MRTFB: variants seen among roughly 807,000 people sequenced by gnomAD.
MRTFB encodes the protein myocardin related transcription factor B, also known as myocardin-related transcription factor B.
A neutral mutation model predicts 104.2 loss-of-function variants in MRTFB; 29 were observed. The observed-to-expected ratio is 0.28, with a 90% CI of 0.21 to 0.38. The LOEUF (loss-of-function observed/expected upper bound fraction) is 0.38. Among genes scored for constraint, MRTFB ranks in the 10% least tolerant of loss-of-function variants. The pLI, the probability that MRTFB is intolerant of heterozygous loss-of-function variation, is 1.00. For synonymous variants in MRTFB, 535 were observed against 519.5 expected (o/e 1.03, Z -0.41); for missense variants, 1,270 against 1,341.6 (o/e 0.95, Z 0.83).
In MRTFB at chr16:14,264,361, A is replaced by G. The variant is rs1260593938; in HGVS notation, c.*2917A>G. The G allele has an allele frequency of 2.6e-5, 4 of 152,228 alleles. No homozygotes were observed. Among genetic ancestry groups the G allele is most frequent in the African/African-American group, 9.6e-5 (4 of 41,458 alleles). 9.4% of individuals were successfully genotyped at this position (152,228 alleles called of 1,614,324 possible). A position where few individuals can be genotyped will look rare whatever the true frequency, so the allele number is the denominator to read the frequency against. ...TGGGGGTGGGATGAATTTAAAAGTT[A>G]TACCAAAATTTCTGTAAAGTCTTTG... is the stretch of plus-strand genomic sequence containing the variant. On this transcript the variant is annotated 3_prime_UTR_variant, in exon 17 of 17. Coordinates refer to ENST00000571589, the MANE Select transcript of MRTFB (RefSeq NM_001308142.2).
the MRTFB span, among the ~76,000 whole-genome samples, chr16:14,023,232 G>C: frequency 2.0e-4 from 30 of 151,970 alleles, no homozygotes; most frequent in African/African-American, 6.3e-4. Context: ...GAGCCCAGGA[G>C]TTCAAGACCA....
intron 3 of MRTFB, chr16:14,149,541 T>C (rs1244804332): frequency 6.6e-6 from 1 of 152,184 alleles, no homozygotes; most frequent in Non-Finnish European, 1.5e-5. Context: ...CCACGTATTA[T>C]AGGAAGGAAA....
intron 2 of MRTFB, among the ~76,000 whole-genome samples, chr16:14,106,704 G>A (rs1357039827): frequency 2.0e-5 from 3 of 152,134 alleles, no homozygotes; most frequent in African/African-American, 7.2e-5. Context: ...AAGAGTGAGG[G>A]TATCATGTTT....
At chr16:14,114,177 A>G (rs1267805671) in intron 2 of MRTFB, among the ~76,000 whole-genome samples, 1 of 152,192 alleles carries the variant, frequency 6.6e-6, no homozygotes, top group East Asian at 1.9e-4. Flanking sequence ...TGACATCTGA[A>G]TATCTCAATT....
the MRTFB span, among the ~76,000 whole-genome samples, chr16:14,058,323 G>A: frequency 6.6e-6 from 1 of 152,156 alleles, no homozygotes; most frequent in East Asian, 1.9e-4. Context: ...GTAATCATAA[G>A]AATAACTACA....
chr16:14,217,116 C>A lies in MRTFB; in HGVS notation c.353-10C>A. ...TCGAGTAATGGTTAAAACTGTGTTT[C>A]CTCTTTTAGAAACATTTGCAGAGCC... is the stretch of plus-strand genomic sequence containing the variant. On this transcript the variant is annotated splice_polypyrimidine_tract_variant and intron_variant, in intron 6 of 16. Transcript: ENST00000571589. 6.3e-7 allele frequency: 1 copy of A among 1,597,302 alleles called. No homozygotes were observed. Among genetic ancestry groups the A allele is most frequent in the South Asian group, 1.2e-5 (1 of 86,538 alleles).
At chr16:14,181,726 C>G (rs1202410845) in intron 3 of MRTFB, among the ~76,000 whole-genome samples, 1 of 152,140 alleles carries the variant, frequency 6.6e-6, no homozygotes, top group Non-Finnish European at 1.5e-5. Flanking sequence ...AGTATCATCA[C>G]AGCAATATTC....
At chr16:14,029,509 A>G in the MRTFB span, among the ~76,000 whole-genome samples, 2 of 105,334 alleles carry the variant, frequency 1.9e-5, no homozygotes, top group Non-Finnish European at 4.2e-5. Flanking sequence ...ATATACACAT[A>G]TATATACACA....
intron 9 of MRTFB, among the ~76,000 whole-genome samples, chr16:14,237,785 T>C (rs768741806): frequency 6.6e-6 from 1 of 152,104 alleles, no homozygotes; most frequent in East Asian, 1.9e-4. Flanking sequence ...TGATCACTTA[T>C]ACGTTCTCAA....
chr16:14,083,327 C>G (rs567001491), intron 2 of MRTFB, among the ~76,000 whole-genome samples: 62 of 152,226 alleles, frequency 4.1e-4, no homozygotes, highest in African/African-American at 1.5e-3. Context: ...TTCTTCCTTT[C>G]CTAATTGGAT....
Position 14,263,120 on chromosome 16 carries a change from C to G in MRTFB, c.*1676C>G, listed in dbSNP as rs1016667125. The G allele has an allele frequency of 6.6e-6, 1 of 152,278 alleles. No individual in the cohort carries two copies. Among genetic ancestry groups the G allele is most frequent in the Non-Finnish European group, 1.5e-5 (1 of 68,044 alleles). The allele number at this position is 152,278 out of a possible 1,614,324, so 9.4% of individuals were successfully genotyped here. ...CCCTCTGCTCACTGGCACTTCCTGA[C>G]TCAAAGGCACTAACAGTGCTCATGT... On this transcript the variant is annotated 3_prime_UTR_variant, in exon 17 of 17. Transcript: ENST00000571589.
the MRTFB span, among the ~76,000 whole-genome samples, chr16:14,053,386 T>A: frequency 2.6e-5 from 4 of 152,108 alleles, no homozygotes; most frequent in African/African-American, 9.7e-5. Flanking sequence ...CAATAAACAT[T>A]GATGTAGCCG....
At chr16:14,127,900 AATAT>A (rs1194977108) in intron 2 of MRTFB, among the ~76,000 whole-genome samples, 31 of 49,508 alleles carry the variant, frequency 6.3e-4, no homozygotes, top group South Asian at 1.4e-3. Flanking sequence ...AGCAAAACTG[AATAT>A]ATATATATAT....
chr16:14,154,460 C>CT (rs1225788848), intron 3 of MRTFB, among the ~76,000 whole-genome samples: 1 of 152,182 alleles, frequency 6.6e-6, no homozygotes, highest in Non-Finnish European at 1.5e-5. Context: ...AAAATGTAGT[C>CT]TGACAATCTC....
At chr16:14,003,359 T>C in the MRTFB span, among the ~76,000 whole-genome samples, 1 of 152,238 alleles carries the variant, frequency 6.6e-6, no homozygotes, top group African/African-American at 2.4e-5. Context: ...AGCACGCCTC[T>C]GCCCCTTCCA....
Position 14,177,472 on chromosome 16 carries a change from TCAC to T in MRTFB, c.155-32769_155-32767del. ...TGTTTGTTTTTTAATCTTTGTTTTTTCACCTAGCAAAAGTGTGTCTTAAACTTA... is the reference window on the plus strand; with the variant it reads ...TGTTTGTTTTTTAATCTTTGTTTTTTCTAGCAAAAGTGTGTCTTAAACTTA... On this transcript the variant is annotated intron_variant, in intron 3 of 16. Transcript: ENST00000571589. This position sits in a 1 kb window ranked among gnomAD's most constrained non-coding sequence, Gnocchi z 4.7. Among the ~76,000 whole-genome samples the T allele has an allele frequency of 6.6e-6, 1 of 152,312 alleles. No homozygotes were observed. Among genetic ancestry groups the T allele is most frequent in the South Asian group, 2.1e-4 (1 of 4,814 alleles).
At chr16:14,014,239 G>A in the MRTFB span, among the ~76,000 whole-genome samples, 1 of 152,172 alleles carries the variant, frequency 6.6e-6, no homozygotes, top group South Asian at 2.1e-4. Flanking sequence ...AATCATTTCA[G>A]TCCTGATAAT....
At chr16:14,161,160 T>A (rs954616091) in intron 3 of MRTFB, among the ~76,000 whole-genome samples, 1 of 148,134 alleles carries the variant, frequency 6.8e-6, no homozygotes, top group African/African-American at 2.5e-5. Context: ...TAGGATACAT[T>A]TTTTTAAAAA....
At chr16:14,212,974 G>A (rs1278747823) in intron 5 of MRTFB, among the ~76,000 whole-genome samples, 2 of 152,110 alleles carry the variant, frequency 1.3e-5, no homozygotes, top group African/African-American at 4.8e-5. Context: ...TTGTTTTGGG[G>A]AAAATTTCTA....
Sources: gnomAD v4.1 joint callset for allele counts (sites outside exome capture counted in the v4.1 genomes callset) on GRCh38, gnomAD v4.1.1 for gene constraint, Gnocchi (gnomAD v3.1) non-coding constraint, MANE v1.5 for transcripts, NCBI Gene and HGNC (gene_info 2026-07-23, HGNC 2026-07-21) for gene names.